Variants in PTPRD observed in about 807,000 individuals in gnomAD.
PTPRD encodes the protein receptor-type tyrosine-protein phosphatase delta.
In PTPRD, 34 loss-of-function variants were observed where a neutral mutation model predicts 214.5. The observed-to-expected ratio is 0.16, with a 90% confidence interval of 0.12 to 0.21. The LOEUF (loss-of-function observed/expected upper bound fraction) is 0.21, where lower values mean the gene tolerates loss of function less well. Ranked by LOEUF, PTPRD falls within the 10% of genes least tolerant of loss-of-function variation. The pLI is 1.00. For missense variants in PTPRD, 2,545 were observed against 2,398.7 expected (o/e 1.06, Z -1.27); for synonymous variants, 1,128 against 845.7 (o/e 1.33, Z -5.79).
intron 8 of PTPRD, among the ~76,000 whole-genome samples, chr9:9,537,630 C>A (rs1484983596): frequency 6.6e-6 from 1 of 151,892 alleles, no homozygotes; most frequent in African/African-American, 2.4e-5. Context: ...ATAGAATTCC[C>A]AGTGAATTTA....
At chr9:9,256,790 C>T (rs2099977902) in intron 9 of PTPRD, among the ~76,000 whole-genome samples, 1 of 151,880 alleles carries the variant, frequency 6.6e-6, no homozygotes. Context: ...TCTTCTTGTC[C>T]TGCCTCTCTG....
At chr9:9,844,631 A>G (rs1267264464) in intron 5 of PTPRD, among the ~76,000 whole-genome samples, 1 of 152,012 alleles carries the variant, frequency 6.6e-6, no homozygotes, top group Non-Finnish European at 1.5e-5. Flanking sequence ...GTCCCTCATA[A>G]CTACGACAAA....
At chr9:8,666,039 GTT>G (rs35323995) in intron 12 of PTPRD, among the ~76,000 whole-genome samples, 2,058 of 144,748 alleles carry the variant, frequency 0.014, 39 homozygotes, top group East Asian at 0.089. Flanking sequence ...TTTCATAACT[GTT>G]TTTTTTTTTT....
chr9:8,945,359 G>A (rs1346539940), intron 11 of PTPRD, among the ~76,000 whole-genome samples: 20 of 151,722 alleles, frequency 1.3e-4, no homozygotes, highest in Admixed American at 1.2e-3. Flanking sequence ...CTCACCTCCC[G>A]CCTGTAACAG....
chr9:8,433,232 T>C (rs1442833916), intron 35 of PTPRD, among the ~76,000 whole-genome samples: 1 of 152,208 alleles, frequency 6.6e-6, no homozygotes, highest in Admixed American at 6.5e-5. Flanking sequence ...GCATTACTCC[T>C]GTGGTTGCAG....
chr9:8,353,404 T>C (rs2076034058), intron 39 of PTPRD, among the ~76,000 whole-genome samples: 1 of 129,868 alleles, frequency 7.7e-6, no homozygotes, highest in Non-Finnish European at 1.8e-5. Flanking sequence ...GTATGCCTAT[T>C]TATTTATTTA....
intron 7 of PTPRD, among the ~76,000 whole-genome samples, chr9:9,704,736 A>C (rs2097567196): frequency 6.6e-6 from 1 of 152,222 alleles, no homozygotes; most frequent in Non-Finnish European, 1.5e-5. Context: ...TAAAGTGTGC[A>C]CATGAAGTGC....
chr9:9,333,685 G>T (rs920762396), intron 9 of PTPRD, among the ~76,000 whole-genome samples: 2 of 151,338 alleles, frequency 1.3e-5, no homozygotes, highest in Admixed American at 1.3e-4. Flanking sequence ...GTGCCACTTG[G>T]TTTCCTGACA....
intron 11 of PTPRD, among the ~76,000 whole-genome samples, chr9:8,977,573 C>T (rs1288732229): frequency 6.6e-6 from 1 of 151,774 alleles, no homozygotes; most frequent in African/African-American, 2.4e-5. Context: ...CTTGAACCCT[C>T]GAGGTTTTGT....
intron 4 of PTPRD, among the ~76,000 whole-genome samples, chr9:9,966,206 T>C (rs2094687060): frequency 6.6e-6 from 1 of 152,168 alleles, no homozygotes; most frequent in African/African-American, 2.4e-5. Flanking sequence ...CCTAAGGCTA[T>C]TTTTCGCAAC....
chr9:9,926,891 T>A (rs887460776), intron 5 of PTPRD, among the ~76,000 whole-genome samples: 1 of 152,146 alleles, frequency 6.6e-6, no homozygotes, highest in African/African-American at 2.4e-5. Context: ...TTATTACAAA[T>A]GGAAAAAGCT....
chr9:9,132,482 T>A (rs1450441251), intron 10 of PTPRD, among the ~76,000 whole-genome samples: 4 of 152,146 alleles, frequency 2.6e-5, no homozygotes, highest in Admixed American at 2.6e-4. Context: ...AATTATTAAA[T>A]ATTAAACTAG....
chr9:8,789,496 T>C (rs894695313), intron 11 of PTPRD, among the ~76,000 whole-genome samples: 1 of 152,196 alleles, frequency 6.6e-6, no homozygotes, highest in African/African-American at 2.4e-5. Flanking sequence ...TAAGGCTGCA[T>C]CCCTGCCTTA....
intron 3 of PTPRD, among the ~76,000 whole-genome samples, chr9:10,095,864 A>G (rs2098478111): frequency 6.6e-6 from 1 of 151,596 alleles, no homozygotes; most frequent in South Asian, 2.1e-4. Flanking sequence ...GACATTGAAT[A>G]TATTAAAGCA....
intron 9 of PTPRD, among the ~76,000 whole-genome samples, chr9:9,211,086 T>G (rs2099948254): frequency 6.6e-6 from 1 of 152,172 alleles, no homozygotes; most frequent in East Asian, 1.9e-4. Flanking sequence ...TGTGAGTGTG[T>G]GTGTGTGTGT....
chr9:8,938,274 G>A (rs1267338165), intron 11 of PTPRD, among the ~76,000 whole-genome samples: 1 of 151,904 alleles, frequency 6.6e-6, no homozygotes, highest in African/African-American at 2.4e-5. Context: ...GAGAAGAGGA[G>A]AAGAGAGGAG....
At chr9:9,212,275 C>T (rs928881859) in intron 9 of PTPRD, among the ~76,000 whole-genome samples, 2 of 152,004 alleles carry the variant, frequency 1.3e-5, no homozygotes, top group African/African-American at 4.8e-5. Flanking sequence ...AAATTATTGC[C>T]ATAAGACTAA....
chr9:10,435,220 G>C (rs2098709589), intron 2 of PTPRD, among the ~76,000 whole-genome samples: 1 of 151,806 alleles, frequency 6.6e-6, no homozygotes, highest in South Asian at 2.1e-4. Flanking sequence ...GTTCCCTCAA[G>C]TGTAGCCAGT....
chr9:9,220,882 ATT>A (rs2099955550), intron 9 of PTPRD, among the ~76,000 whole-genome samples: 2 of 152,088 alleles, frequency 1.3e-5, no homozygotes, highest in Non-Finnish European at 2.9e-5. Flanking sequence ...AGGTACTACA[ATT>A]TATTTTGCTG....
Sources: allele counts gnomAD v4.1 joint callset (sites outside exome capture counted in the v4.1 genomes callset), GRCh38; gene constraint gnomAD v4.1.1; transcripts MANE v1.5; gene names NCBI Gene and HGNC (gene_info 2026-07-23, HGNC 2026-07-21).